The following HCN4 variants were observed in gnomAD, a reference collection of about 807,000 sequenced individuals.
HCN4 encodes the protein potassium/sodium hyperpolarization-activated cyclic nucleotide-gated channel 4.
In HCN4, 29 loss-of-function variants were observed where a neutral mutation model predicts 76.9. That is an observed-to-expected ratio of 0.38 (90% CI 0.28 to 0.51). HCN4 has a LOEUF of 0.51. Ranked by LOEUF, HCN4 falls within the 20% of genes least tolerant of loss-of-function variation. The pLI, the probability that HCN4 is intolerant of heterozygous loss-of-function variation, is 0.90. For missense variants in HCN4, 1,416 were observed against 1,715.2 expected, an observed-to-expected ratio of 0.83 and a Z score of 3.08; for synonymous variants, 772 against 762.5, an observed-to-expected ratio of 1.01 and a Z score of -0.21.
At chr15:73,366,474 C>T (rs1306070494) in intron 1 of HCN4, among the ~76,000 whole-genome samples, 1 of 152,192 alleles carries the variant, frequency 6.6e-6, no homozygotes, top group African/African-American at 2.4e-5. Flanking sequence ...ACCTTCATCA[C>T]AATCTCATGC....
At position 73,343,712 on chromosome 15, in the gene HCN4, G is replaced by C. The variant is rs190347872; in HGVS notation, c.882C>G (p.Pro294=). 1.3e-5 allele frequency: 21 copies of C among 1,614,180 alleles called. No individual in the cohort carries two copies. The East Asian group carries it at 4.5e-4, about 34-fold the overall frequency. Reference sequence around the variant, plus strand: ...CTGACACCACATTGAAGACAATCCAGGGTGTGGTGTTCTCATCCTTGAAGA... The same window carrying C: ...CTGACACCACATTGAAGACAATCCACGGTGTGGTGTTCTCATCCTTGAAGA... ...ITFFKDENTT[P]WIVFNVVSDT... is the part of the protein sequence containing the mutation. The change falls in exon 2 of 8, where the codon CCC becomes CCG. Residue 294 remains proline (P), a synonymous_variant. Coordinates refer to ENST00000261917, the MANE Select transcript of HCN4 (RefSeq NM_005477.3). The surrounding 1 kb of genome is among the most constrained non-coding windows in gnomAD (Gnocchi z 5.7).
chr15:73,352,033 A>C (rs1281010375), intron 1 of HCN4, among the ~76,000 whole-genome samples: 1 of 152,186 alleles, frequency 6.6e-6, no homozygotes, highest in Non-Finnish European at 1.5e-5. Context: ...GTATCCTAGG[A>C]AATCTGGTTA....
Position 73,323,738 on chromosome 15 carries a change from G to C in HCN4, c.2355C>G (p.Ala785=). Residue 785 remains alanine (A), a synonymous_variant, in exon 8 of 8, where the codon GCC becomes GCG. Coordinates refer to ENST00000261917, the MANE Select transcript of HCN4 (RefSeq NM_005477.3). ...CTATGGCCACAGAAGTGGTGGCAGC[G>C]GCAGCCTGCAGTGGTGCCTGGATCA... ...TPLIQAPLQA[A]AATTSVAIAL... The C allele has an allele frequency of 6.2e-7, 1 of 1,604,586 alleles. No individual in the cohort carries two copies. Among genetic ancestry groups the C allele is most frequent in the Non-Finnish European group, 8.5e-7 (1 of 1,175,728 alleles).
intron 1 of HCN4, among the ~76,000 whole-genome samples, chr15:73,354,705 G>C (rs1418650837): frequency 6.6e-6 from 1 of 152,148 alleles, no homozygotes; most frequent in Non-Finnish European, 1.5e-5. Context: ...GACCAAATGA[G>C]ATAATATTTA....
chr15:73,368,135 T>G lies in HCN4; in HGVS notation c.136A>C (p.Arg46=). 1.3e-6 allele frequency: 2 copies of G among 1,515,730 alleles called. No individual in the cohort carries two copies. The highest frequency in any genetic ancestry group is 1.8e-6 in the Non-Finnish European group (2 of 1,133,920). 93.9% of individuals were successfully genotyped at this position (1,515,730 alleles called of 1,614,324 possible). Reference sequence around the variant, plus strand: ...GGCAGTGGCCGCAGCCGGATGCTCCTGCGGCTGGGGTCTTGGCGGCCCCCG... The same window carrying G: ...GGCAGTGGCCGCAGCCGGATGCTCCGGCGGCTGGGGTCTTGGCGGCCCCCG... The part of the protein sequence containing the change: ...GAGGRQDPSR[R]SIRLRPLPSP... The change falls in exon 1 of 8, where the codon AGG becomes CGG. Residue 46 remains arginine (R), a synonymous_variant. Coordinates refer to ENST00000261917, the MANE Select transcript of HCN4 (RefSeq NM_005477.3). The surrounding 1 kb of genome is among the most constrained non-coding windows in gnomAD (Gnocchi z 6.9).
intron 1 of HCN4, among the ~76,000 whole-genome samples, chr15:73,355,753 A>G (rs957137911): frequency 2.0e-5 from 3 of 151,748 alleles, no homozygotes; most frequent in African/African-American, 7.3e-5. Context: ...GTGAATATGT[A>G]CATGCGCACA....
intron 1 of HCN4, among the ~76,000 whole-genome samples, chr15:73,357,015 T>A (rs1338309690): frequency 6.6e-6 from 1 of 152,088 alleles, no homozygotes; most frequent in Non-Finnish European, 1.5e-5. Flanking sequence ...GCTCATTGGC[T>A]CCCAAAGTGA....
intron 2 of HCN4, among the ~76,000 whole-genome samples, chr15:73,338,627 C>A (rs538807411): frequency 2.6e-5 from 4 of 152,304 alleles, no homozygotes; most frequent in South Asian, 4.1e-4. Flanking sequence ...GAGTTGATTT[C>A]TCAGTCCCAA....
At chr15:73,352,215 G>A (rs1356205515) in intron 1 of HCN4, among the ~76,000 whole-genome samples, 2 of 152,208 alleles carry the variant, frequency 1.3e-5, no homozygotes, top group Non-Finnish European at 2.9e-5. Context: ...AGTGGATGGG[G>A]GATGGGTGAA....
chr15:73,340,070 C>T (rs1595827472), intron 2 of HCN4, among the ~76,000 whole-genome samples: 1 of 152,304 alleles, frequency 6.6e-6, no homozygotes, highest in East Asian at 1.9e-4. Flanking sequence ...TCAAGGCCTC[C>T]TGGGGCCTCT....
At chr15:73,349,435 G>A (rs1038703657) in intron 1 of HCN4, among the ~76,000 whole-genome samples, 1 of 152,012 alleles carries the variant, frequency 6.6e-6, no homozygotes, top group Admixed American at 6.6e-5. Flanking sequence ...TGAGAGATTT[G>A]CCATATATGG....
chr15:73,346,878 G>C (rs1489407997), intron 1 of HCN4, among the ~76,000 whole-genome samples: 1 of 152,158 alleles, frequency 6.6e-6, no homozygotes, highest in Non-Finnish European at 1.5e-5. Context: ...CCGAAAGCCA[G>C]GCCCTGCCAG....
Position 73,325,011 on chromosome 15 carries a change from C to T in HCN4, c.1922G>A (p.Ser641Asn). Residue 641 changes from serine (S) to asparagine (N), a missense_variant, in exon 6 of 8, where the codon AGC becomes AAC. Physicochemically the swap from Ser to Asn is conservative, Grantham distance 46. Around this residue, in one of 6 missense-constraint regions of HCN4, gnomAD observed 241 missense variants for 379.4 expected, o/e 0.64. Coordinates refer to ENST00000261917, the MANE Select transcript of HCN4 (RefSeq NM_005477.3). This position sits in a 1 kb window ranked among gnomAD's most constrained non-coding sequence, Gnocchi z 7.4. ...KMYFIQHGVV[S>N]VLTKGNKETK... is the part of the protein sequence containing the mutation. ...CTCCTTGTTGCCCTTGGTGAGCACG[C>T]TGACCACGCCATGCTGGATGAAGTA... 6 of 1,614,232 alleles carry T rather than the reference C, an allele frequency of 3.7e-6. No individual in the cohort carries two copies. Among genetic ancestry groups the T allele is most frequent in the Non-Finnish European group, 5.1e-6 (6 of 1,180,050 alleles).
At chr15:73,361,051 G>A (rs1251303808) in intron 1 of HCN4, among the ~76,000 whole-genome samples, 6 of 152,182 alleles carry the variant, frequency 3.9e-5, no homozygotes, top group African/African-American at 7.2e-5. Context: ...AGAGAAGCCC[G>A]AGAGCCATAT....
chr15:73,326,175 C>T (rs1337741031), intron 4 of HCN4, among the ~76,000 whole-genome samples: 2 of 152,070 alleles, frequency 1.3e-5, no homozygotes, highest in East Asian at 3.9e-4. Flanking sequence ...CAGTGGGATT[C>T]CCAAGAGCAG....
rs1482330984 is a variant in HCN4, at chr15:73,323,078, G to A, written c.3015C>T (p.Ser1005=). ...ETPPRQPEPP[S]LVAGASGGAS... ...CCCCCCCAGAGGCCCCTGCCACAAGGGACGGCGGCTCAGGCTGCCGTGGGG... is the reference window on the plus strand; with the variant it reads ...CCCCCCCAGAGGCCCCTGCCACAAGAGACGGCGGCTCAGGCTGCCGTGGGG... Residue 1005 remains serine (S), a synonymous_variant, in exon 8 of 8, where the codon TCC becomes TCT. Coordinates refer to ENST00000261917, the MANE Select transcript of HCN4 (RefSeq NM_005477.3). 6.4e-7 allele frequency: 1 copy of A among 1,569,846 alleles called. No individual in the cohort carries two copies. Among genetic ancestry groups the A allele is most frequent in the East Asian group, 2.3e-5 (1 of 44,286 alleles).
intron 1 of HCN4, among the ~76,000 whole-genome samples, chr15:73,349,516 A>C (rs1398330190): frequency 6.6e-6 from 1 of 151,912 alleles, no homozygotes; most frequent in East Asian, 1.9e-4. Context: ...CAGAAATATC[A>C]ATCTGGCTGG....
chr15:73,322,370 GGT>G lies in HCN4; in HGVS notation c.*109_*110del. 2.2e-6 allele frequency: 2 copies of G among 912,422 alleles called. No homozygotes were observed. Among genetic ancestry groups the G allele is most frequent in the South Asian group, 1.4e-5 (1 of 69,790 alleles). The allele number at this position is 912,422 out of a possible 1,614,324, so 56.5% of individuals were successfully genotyped here. A position where few individuals can be genotyped will look rare whatever the true frequency, so the allele number is the denominator to read the frequency against. On this transcript the variant is annotated 3_prime_UTR_variant, in exon 8 of 8. Coordinates refer to ENST00000261917, the MANE Select transcript of HCN4 (RefSeq NM_005477.3). Reference sequence around the variant, plus strand: ...TGTCTTTTGTTTTTCTGGTGTGTGTGGTTTTTTAAATAATTATTACTGTTATT... The same window carrying G: ...TGTCTTTTGTTTTTCTGGTGTGTGTGTTTTTAAATAATTATTACTGTTATT...
intron 2 of HCN4, among the ~76,000 whole-genome samples, chr15:73,333,598 T>C: frequency 6.6e-6 from 1 of 152,190 alleles, no homozygotes; most frequent in Non-Finnish European, 1.5e-5. Flanking sequence ...CCCCCACCTG[T>C]GGCCCCCATC....
Sources: gnomAD v4.1 joint callset for allele counts (sites outside exome capture counted in the v4.1 genomes callset) on GRCh38, gnomAD v4.1.1 for gene constraint, gnomAD v4.1.1 regional missense constraint, Gnocchi (gnomAD v3.1) non-coding constraint, MANE v1.5 for transcripts, NCBI Gene and HGNC (gene_info 2026-07-23, HGNC 2026-07-21) for gene names.